PITPNM2: variants seen among roughly 807,000 people sequenced by gnomAD.
The protein encoded by PITPNM2 is membrane-associated phosphatidylinositol transfer protein 2.
A neutral mutation model predicts 132.2 loss-of-function variants in PITPNM2; 35 were observed. The ratio of observed to expected loss-of-function variants is 0.26; its 90% CI spans 0.20 to 0.35. The LOEUF (loss-of-function observed/expected upper bound fraction) is 0.35. Ranked by LOEUF, PITPNM2 falls within the 10% of genes least tolerant of loss-of-function variation. The pLI is 1.00. For missense variants in PITPNM2, 1,332 were observed against 1,912.0 expected, an observed-to-expected ratio of 0.70 and a Z score of 5.66; for synonymous variants, 738 against 799.2, an observed-to-expected ratio of 0.92 and a Z score of 1.29.
intron 1 of PITPNM2, among the ~76,000 whole-genome samples, chr12:123,116,060 C>T (rs1433628681): frequency 2.0e-5 from 3 of 152,198 alleles, no homozygotes; most frequent in Non-Finnish European, 4.4e-5. Flanking sequence ...CTTTGGTGGC[C>T]TTCAATGAGC....
chr12:123,126,536 G>A (rs2043145300), intron 1 of PITPNM2, among the ~76,000 whole-genome samples: 3 of 152,152 alleles, frequency 2.0e-5, no homozygotes, highest in Non-Finnish European at 4.4e-5. Flanking sequence ...TTAAAATAAG[G>A]CAGAAAATTA....
chr12:123,057,075 C>T (rs147399232), intron 2 of PITPNM2, among the ~76,000 whole-genome samples: 83 of 152,154 alleles, frequency 5.5e-4, no homozygotes, highest in African/African-American at 1.9e-3. Context: ...TTCAGGGCAA[C>T]TTCAGGTTAA....
intron 1 of PITPNM2, among the ~76,000 whole-genome samples, chr12:123,135,267 T>C (rs2043352192): frequency 6.6e-6 from 1 of 152,162 alleles, no homozygotes; most frequent in African/African-American, 2.4e-5. Flanking sequence ...GTTCCATTTT[T>C]TTAAAAAAGC....
chr12:123,103,774 A>G (rs2042623535), intron 2 of PITPNM2, among the ~76,000 whole-genome samples: 1 of 152,194 alleles, frequency 6.6e-6, no homozygotes, highest in Non-Finnish European at 1.5e-5. Flanking sequence ...CCAGTGGGTT[A>G]GGTGTAAAGG....
chr12:123,012,464 C>A (rs764242874), intron 5 of PITPNM2, 149 bp downstream of exon 5: 151 of 1,038,020 alleles, frequency 1.5e-4, no homozygotes, highest in Non-Finnish European at 1.9e-4. Context: ...CCCCCATGGG[C>A]CCCATGCTTG....
intron 2 of PITPNM2, among the ~76,000 whole-genome samples, chr12:123,054,890 C>G (rs912854760): frequency 6.6e-6 from 1 of 152,048 alleles, no homozygotes; most frequent in African/African-American, 2.4e-5. Context: ...ACAGTGAAAA[C>G]CCATCTCTAC....
Position 123,009,809 on chromosome 12 carries a change from G to T in PITPNM2, c.643+41C>A. On this transcript the variant is annotated intron_variant, in intron 6 of 25. Transcript: ENST00000320201. The surrounding 1 kb of genome is among the most constrained non-coding windows in gnomAD (Gnocchi z 4.8). ...GCAGGTGACAGGAGACAGAGGGGTTGGGTAGCCCAGCCACTGCCCACCTGG... is the reference window on the plus strand; with the variant it reads ...GCAGGTGACAGGAGACAGAGGGGTTTGGTAGCCCAGCCACTGCCCACCTGG... 6.4e-7 allele frequency: 1 copy of T among 1,562,272 alleles called. No individual in the cohort carries two copies. The highest frequency in any genetic ancestry group is 8.8e-7 in the Non-Finnish European group (1 of 1,133,554).
Position 122,996,525 on chromosome 12 carries a change from C to T in PITPNM2, c.1715G>A (p.Cys572Tyr). 6.2e-7 allele frequency: 1 copy of T among 1,613,098 alleles called. No individual in the cohort carries two copies. The highest frequency in any genetic ancestry group is 8.5e-7 in the Non-Finnish European group (1 of 1,180,012). The change falls in exon 13 of 26, where the codon TGC (cysteine) becomes TAC (tyrosine). Residue 572 changes from cysteine to tyrosine, a missense_variant. Cys to Tyr is a radical substitution (Grantham distance 194). Coordinates refer to ENST00000320201, the MANE Select transcript of PITPNM2 (RefSeq NM_020845.3). ...CTCAGACACCGGCTGGTTACTGTAGCACAGGGCATCAAATGCCAGGATGCC... is the reference window on the plus strand; with the variant it reads ...CTCAGACACCGGCTGGTTACTGTAGTACAGGGCATCAAATGCCAGGATGCC... The part of the protein sequence containing the change: ...VGGILAFDAL[C>Y]YSNQPVSESQ...
chr12:123,067,596 C>T (rs1243696394), intron 2 of PITPNM2, among the ~76,000 whole-genome samples: 1 of 152,206 alleles, frequency 6.6e-6, no homozygotes, highest in African/African-American at 2.4e-5. Context: ...CCAAGGAACA[C>T]TTGGGGCCAC....
chr12:123,147,827 T>C (rs2043649173), intron 1 of PITPNM2, among the ~76,000 whole-genome samples: 1 of 152,160 alleles, frequency 6.6e-6, no homozygotes, highest in Non-Finnish European at 1.5e-5. Flanking sequence ...CTTCTTTCTC[T>C]GGGAAAAAGG....
chr12:123,034,481 AC>A (rs751341935), intron 3 of PITPNM2, 31 bp downstream of exon 3: 1 of 1,600,394 alleles, frequency 6.2e-7, no homozygotes, highest in South Asian at 1.1e-5. Flanking sequence ...ACCCACCCTC[AC>A]CCCATGACCC....
chr12:123,067,502 AAAG>A (rs550776807), intron 2 of PITPNM2, among the ~76,000 whole-genome samples: 101 of 150,624 alleles, frequency 6.7e-4, no homozygotes, highest in African/African-American at 2.3e-3. Context: ...CACACACGCA[AAAG>A]AAGAAGAGGA....
chr12:122,996,885 C>T lies in PITPNM2; in HGVS notation c.1498G>A (p.Gly500Ser), dbSNP rs1353832596. ...TGGTCCTGACTGCTGGACAGACAGC[C>T]TTCGTCATGGCTGTAGGGGCTGAGG... ...SNLSPYSHDE[G>S]CLSSSQDHIP... The change falls in exon 12 of 26, where the codon GGC (glycine) becomes AGC (serine). Residue 500 changes from glycine to serine, a missense_variant. Around this residue, in one of 6 missense-constraint regions of PITPNM2, gnomAD observed 710 missense variants for 911.5 expected, o/e 0.78. Transcript: ENST00000320201. The T allele has an allele frequency of 7.6e-6, 12 of 1,583,632 alleles. No homozygotes were observed. Among genetic ancestry groups the T allele is most frequent in the Non-Finnish European group, 1.0e-5 (12 of 1,171,930 alleles).
At chr12:123,093,831 G>A (rs1430978371) in intron 2 of PITPNM2, among the ~76,000 whole-genome samples, 1 of 152,272 alleles carries the variant, frequency 6.6e-6, no homozygotes, top group African/African-American at 2.4e-5. Flanking sequence ...GTGAATGACT[G>A]TGAGGAACCT....
rs749727607 is a variant in PITPNM2, at chr12:122,986,332, C to G, written c.3745G>C (p.Ala1249Pro). The stretch of plus-strand genomic sequence containing the variant: ...TACTTCAGCTGCGCCAGGTGGGCCG[C>G]GTAGCCATCCGTGATGAACTGCGGG... ...QQCQFITDGYAAHLAQLKYSH... is the reference protein window; with the variant it reads ...QQCQFITDGYPAHLAQLKYSH... The change falls in exon 26 of 26, where the codon GCG becomes CCG. Residue 1249 changes from alanine (A) to proline (P), a missense_variant. Ala to Pro is a conservative substitution (Grantham distance 27, BLOSUM62 -1). This residue lies in a region of PITPNM2 where 163 missense variants were observed against 177.2 expected (regional missense o/e 0.92). Coordinates refer to ENST00000320201, the MANE Select transcript of PITPNM2 (RefSeq NM_020845.3). 1 of 1,579,182 alleles carries G rather than the reference C, an allele frequency of 6.3e-7. No individual in the cohort carries two copies. Among genetic ancestry groups the G allele is most frequent in the Non-Finnish European group, 8.6e-7 (1 of 1,164,336 alleles).
intron 10 of PITPNM2, among the ~76,000 whole-genome samples, chr12:122,997,952 C>T (rs1328462447): frequency 6.6e-6 from 1 of 152,204 alleles, no homozygotes. Flanking sequence ...CCAGCTTTAG[C>T]GGGAGGCAGA....
chr12:122,986,875 G>A, intron 23 of PITPNM2, 46 bp from the exon 24 acceptor site: 3 of 1,543,396 alleles, frequency 1.9e-6, no homozygotes, highest in Non-Finnish European at 1.8e-6. Flanking sequence ...CTCCCTCCTG[G>A]GCCTCCCTGT....
intron 2 of PITPNM2, among the ~76,000 whole-genome samples, chr12:123,104,026 C>A (rs2042631254): frequency 6.6e-6 from 1 of 152,166 alleles, no homozygotes; most frequent in African/African-American, 2.4e-5. Context: ...CGGGTTCAAG[C>A]AATTCTCCTG....
chr12:123,050,485 A>G (rs1488330334), intron 2 of PITPNM2, among the ~76,000 whole-genome samples: 1 of 152,148 alleles, frequency 6.6e-6, no homozygotes, highest in Non-Finnish European at 1.5e-5. Context: ...CCCAGGACTG[A>G]TCTACTGTAC....
Sources: allele counts gnomAD v4.1 joint callset (sites outside exome capture counted in the v4.1 genomes callset), GRCh38; gene constraint gnomAD v4.1.1; regional missense constraint gnomAD v4.1.1; non-coding constraint Gnocchi (gnomAD v3.1); transcripts MANE v1.5; gene names NCBI Gene and HGNC (gene_info 2026-07-23, HGNC 2026-07-21).